The following ARHGAP32 variants were observed in gnomAD, a reference collection of about 807,000 sequenced individuals.
The protein encoded by ARHGAP32 is Rho GTPase activating protein 32.
In ARHGAP32, 51 loss-of-function variants were observed where a neutral mutation model predicts 186.5. The ratio of observed to expected loss-of-function variants is 0.27; its 90% CI spans 0.22 to 0.35. The LOEUF is 0.35. ARHGAP32 is among the 10% of genes least tolerant of loss of function. ARHGAP32 has a pLI of 1.00. For missense variants in ARHGAP32, 2,186 were observed against 2,623.5 expected (o/e 0.83, Z 3.64); for synonymous variants, 950 against 964.3 (o/e 0.99, Z 0.27).
intron 1 of ARHGAP32, among the ~76,000 whole-genome samples, chr11:129,257,010 C>G (rs1377715008): frequency 6.6e-6 from 1 of 152,146 alleles, no homozygotes; most frequent in Non-Finnish European, 1.5e-5. Context: ...AAAGCTTCGT[C>G]TAGAAATTTC....
chr11:129,250,331 G>A (rs1398544163), intron 1 of ARHGAP32, among the ~76,000 whole-genome samples: 1 of 152,160 alleles, frequency 6.6e-6, no homozygotes, highest in Non-Finnish European at 1.5e-5. Context: ...TTTTGTTGGT[G>A]TCTATTTTCC....
rs768671495 is a variant in ARHGAP32 at position 128,972,443 on chromosome 11, C to T, written c.4053+10G>A. 3 of 1,507,650 alleles carry T rather than the reference C, an allele frequency of 2.0e-6. No homozygotes were observed. The highest frequency in any genetic ancestry group is 2.7e-6 in the Non-Finnish European group (3 of 1,128,076). 93.4% of individuals were successfully genotyped at this position (1,507,650 alleles called of 1,614,324 possible). ...TATATTTCATCTCACTGATATCTTC[C>T]CCTTCTTACCTTGTGGGAATTATTT... is the stretch of plus-strand genomic sequence containing the variant. On this transcript the variant is annotated intron_variant, in intron 22 of 22. Transcript: ENST00000682385.
chr11:129,193,546 T>TA (rs1303417462), upstream of ARHGAP32, among the ~76,000 whole-genome samples: 63 of 22,854 alleles, frequency 2.8e-3, 2 homozygotes, highest in African/African-American at 7.0e-3. Flanking sequence ...ATATATTATA[T>TA]ATAATATATA....
At chr11:129,124,681 T>C (rs1942616409) in intron 3 of ARHGAP32, 122 bp downstream of exon 3, 1 of 636,598 alleles carries the variant, frequency 1.6e-6, no homozygotes, top group African/African-American at 1.8e-5. Context: ...AATTTAAGGA[T>C]TAGCAGTTGC....
intron 1 of ARHGAP32, among the ~76,000 whole-genome samples, chr11:129,174,130 A>G (rs1281128047): frequency 6.6e-6 from 1 of 152,194 alleles, no homozygotes; most frequent in Non-Finnish European, 1.5e-5. Context: ...CTCACTCGGG[A>G]AGCGCAGAGG....
Position 128,974,671 on chromosome 11 carries a change from T to C in ARHGAP32, c.2526A>G (p.Lys842=). The change falls in exon 21 of 23, where the codon AAA becomes AAG. Residue 842 remains lysine (K), a synonymous_variant. Transcript: ENST00000682385. Reference sequence around the variant, plus strand: ...CTGCATCCTTTTTATTGGCACTTGGTTTATCCTTGGAGTATCCTGGTGAAT... The same window carrying C: ...CTGCATCCTTTTTATTGGCACTTGGCTTATCCTTGGAGTATCCTGGTGAAT... ...FLDSPGYSKD[K]PSANKKDAET... 6.2e-7 allele frequency: 1 copy of C among 1,614,180 alleles called. No individual in the cohort carries two copies. The highest frequency in any genetic ancestry group is 8.5e-7 in the Non-Finnish European group (1 of 1,180,026).
intron 18 of ARHGAP32, among the ~76,000 whole-genome samples, chr11:128,980,210 C>A (rs558474685): frequency 6.6e-6 from 1 of 152,350 alleles, no homozygotes; most frequent in East Asian, 1.9e-4. Flanking sequence ...TGAACAAACT[C>A]TTCCAACACA....
At chr11:129,144,523 T>C (rs937455131) in intron 2 of ARHGAP32, among the ~76,000 whole-genome samples, 2 of 152,156 alleles carry the variant, frequency 1.3e-5, no homozygotes, top group Non-Finnish European at 2.9e-5. Flanking sequence ...TCTTAATATC[T>C]GGGCACCACA....
At chr11:129,036,255 C>G (rs963702413) in intron 11 of ARHGAP32, among the ~76,000 whole-genome samples, 3 of 151,842 alleles carry the variant, frequency 2.0e-5, no homozygotes, top group African/African-American at 4.8e-5. Flanking sequence ...TGGCATATGC[C>G]TGTAATCCCA....
intron 6 of ARHGAP32, among the ~76,000 whole-genome samples, chr11:129,085,918 C>T (rs184126119): frequency 6.6e-6 from 1 of 151,198 alleles, no homozygotes; most frequent in Admixed American, 6.6e-5. Flanking sequence ...GGCGTGAACC[C>T]GGGAGGCAGA....
chr11:129,087,525 G>A (rs1025794654), intron 6 of ARHGAP32, among the ~76,000 whole-genome samples: 1 of 152,158 alleles, frequency 6.6e-6, no homozygotes, highest in East Asian at 1.9e-4. Context: ...CAACTATGTG[G>A]TATCTTAGAA....
chr11:129,143,394 A>G (rs1270115248), intron 2 of ARHGAP32, among the ~76,000 whole-genome samples: 1 of 152,146 alleles, frequency 6.6e-6, no homozygotes, highest in Admixed American at 6.5e-5. Flanking sequence ...AAAACAATGT[A>G]TAAGTTTTAA....
At chr11:128,988,787 TG>T (rs927384064) in intron 12 of ARHGAP32, among the ~76,000 whole-genome samples, 1 of 152,224 alleles carries the variant, frequency 6.6e-6, no homozygotes, top group Non-Finnish European at 1.5e-5. Context: ...GCACTCTCTC[TG>T]GTTAGCTCTA....
chr11:129,025,426 G>A (rs1439670644), intron 11 of ARHGAP32, among the ~76,000 whole-genome samples: 1 of 152,174 alleles, frequency 6.6e-6, no homozygotes, highest in Non-Finnish European at 1.5e-5. Flanking sequence ...AGATCATAGA[G>A]AATTCCAGTA....
Position 129,137,563 on chromosome 11 carries a change from CTGTT to C in ARHGAP32, c.226-12673_226-12670del, listed in dbSNP as rs568560999. On this transcript the variant is annotated intron_variant, in intron 2 of 22. Transcript: ENST00000682385. Reference sequence around the variant, plus strand: ...TGTCCTAGAGATGAAAGGAAACAAACTGTTTGGGAATAGTGACATTATCGTTCTG... The same window carrying C: ...TGTCCTAGAGATGAAAGGAAACAAACTGGGAATAGTGACATTATCGTTCTG... 3.9e-3 allele frequency among the ~76,000 whole-genome samples: 592 copies of C among 152,034 alleles called. 2 individuals carry two copies. Among genetic ancestry groups the C allele is most frequent in the African/African-American group, 0.014 (565 of 41,538 alleles).
chr11:129,267,628 T>A (rs141235034), intron 1 of ARHGAP32, among the ~76,000 whole-genome samples: 1 of 152,364 alleles, frequency 6.6e-6, no homozygotes, highest in East Asian at 1.9e-4. Context: ...AAATCAGCAA[T>A]GGAACATTTT....
intron 11 of ARHGAP32, among the ~76,000 whole-genome samples, chr11:129,027,088 G>C (rs1938890141): frequency 7.0e-6 from 1 of 143,100 alleles, no homozygotes; most frequent in East Asian, 2.0e-4. Flanking sequence ...AACAGCGCAA[G>C]ACTCTGTCTC....
At chr11:129,104,266 T>C (rs573848936) in intron 5 of ARHGAP32, among the ~76,000 whole-genome samples, 1 of 152,130 alleles carries the variant, frequency 6.6e-6, no homozygotes, top group South Asian at 2.1e-4. Context: ...AGGAAATAAG[T>C]TTATAAATCG....
chr11:129,209,413 C>A (rs34850779), intron 1 of ARHGAP32, among the ~76,000 whole-genome samples: 1 of 149,790 alleles, frequency 6.7e-6, no homozygotes. Flanking sequence ...AAGTAGGATT[C>A]TAAATACAAA....
Sources: allele counts gnomAD v4.1 joint callset (sites outside exome capture counted in the v4.1 genomes callset), GRCh38; gene constraint gnomAD v4.1.1; transcripts MANE v1.5; gene names NCBI Gene and HGNC (gene_info 2026-07-23, HGNC 2026-07-21).